The following KCNK13 variants were observed in gnomAD, a reference collection of about 807,000 sequenced individuals.
The protein encoded by KCNK13 is potassium two pore domain channel subfamily K member 13.
Under a neutral mutation model 23.4 loss-of-function variants are expected in KCNK13, and 12 were observed. That is an observed-to-expected ratio of 0.51 (90% confidence interval 0.33 to 0.83). KCNK13 has a LOEUF of 0.83. Among genes scored for constraint, KCNK13 ranks in the 40% least tolerant of loss-of-function variants. The pLI is 0.02. For synonymous variants in KCNK13, 231 were observed against 229.5 expected (o/e 1.01, Z -0.06); for missense variants, 463 against 556.3 (o/e 0.83, Z 1.69).
chr14:90,070,292 AG>A (rs1226515845), intron 1 of KCNK13, among the ~76,000 whole-genome samples: 1 of 152,242 alleles, frequency 6.6e-6, no homozygotes, highest in Non-Finnish European at 1.5e-5. Flanking sequence ...TGTTGTAATT[AG>A]GCAAAAATGA....
At chr14:90,162,715 G>A (rs1890264543) in intron 1 of KCNK13, among the ~76,000 whole-genome samples, 1 of 152,140 alleles carries the variant, frequency 6.6e-6, no homozygotes, top group Non-Finnish European at 1.5e-5. Context: ...CTAGGGTAAG[G>A]AAGGAAAGAC....
chr14:90,075,634 A>G (rs1380704965), intron 1 of KCNK13, among the ~76,000 whole-genome samples: 2 of 152,052 alleles, frequency 1.3e-5, no homozygotes, highest in African/African-American at 2.4e-5. Flanking sequence ...GTGCACCACC[A>G]TGCTCGGCTA....
rs570315922 is a variant in KCNK13 at position 90,148,114 on chromosome 14, G to A, written c.335-35997G>A. On this transcript the variant is annotated intron_variant, in intron 1 of 1. Coordinates refer to ENST00000282146, the MANE Select transcript of KCNK13 (RefSeq NM_022054.4). Reference sequence around the variant, plus strand: ...GGAGGTGCAGGTTGCAATAAGCTGAGAGCACAGCACTGCACTATGGCTTGG... The same window carrying A: ...GGAGGTGCAGGTTGCAATAAGCTGAAAGCACAGCACTGCACTATGGCTTGG... Among the ~76,000 whole-genome samples, 166 of 152,272 alleles carry A rather than the reference G, an allele frequency of 1.1e-3. 1 individual carries two copies. Among genetic ancestry groups the A allele is most frequent in the Non-Finnish European group, 1.9e-3 (130 of 68,036 alleles).
intron 1 of KCNK13, among the ~76,000 whole-genome samples, chr14:90,128,348 A>G (rs1454639279): frequency 6.6e-6 from 1 of 152,212 alleles, no homozygotes; most frequent in African/African-American, 2.4e-5. Flanking sequence ...AAAATTTTTA[A>G]GTAGTAAAAA....
chr14:90,182,382 A>G (rs1173671689), intron 1 of KCNK13, among the ~76,000 whole-genome samples: 1 of 152,182 alleles, frequency 6.6e-6, no homozygotes, highest in African/African-American at 2.4e-5. Flanking sequence ...TCCAGGGTGC[A>G]CTGGGAGGCA....
At chr14:90,178,501 G>T (rs1264095241) in intron 1 of KCNK13, among the ~76,000 whole-genome samples, 1 of 151,554 alleles carries the variant, frequency 6.6e-6, no homozygotes, top group Non-Finnish European at 1.5e-5. Context: ...TGTTGGTCAG[G>T]CTGGTCTTGA....
chr14:90,178,548 C>G (rs938600688), intron 1 of KCNK13, among the ~76,000 whole-genome samples: 1 of 152,030 alleles, frequency 6.6e-6, no homozygotes, highest in Non-Finnish European at 1.5e-5. Flanking sequence ...CCTCAGCCTC[C>G]CAAAGTGCTG....
At chr14:90,152,397 T>G (rs1890143611) in intron 1 of KCNK13, among the ~76,000 whole-genome samples, 1 of 152,002 alleles carries the variant, frequency 6.6e-6, no homozygotes, top group Admixed American at 6.6e-5. Context: ...TAGTTGGGCG[T>G]AGTGGCGCAC....
intron 1 of KCNK13, among the ~76,000 whole-genome samples, chr14:90,080,569 C>T (rs937313764): frequency 3.3e-5 from 5 of 152,146 alleles, no homozygotes; most frequent in African/African-American, 9.7e-5. Context: ...TTGTTACTAT[C>T]TTAGGAGGAT....
At chr14:90,089,228 A>G (rs1189435475) in intron 1 of KCNK13, among the ~76,000 whole-genome samples, 1 of 152,200 alleles carries the variant, frequency 6.6e-6, no homozygotes, top group East Asian at 1.9e-4. Flanking sequence ...GCTTGGACAA[A>G]AATGCTGATA....
At chr14:90,171,942 C>CT (rs1287596472) in intron 1 of KCNK13, among the ~76,000 whole-genome samples, 14 of 152,258 alleles carry the variant, frequency 9.2e-5, no homozygotes, top group African/African-American at 3.4e-4. Context: ...AGAGACAAAA[C>CT]TAAGTTCTGT....
intron 1 of KCNK13, among the ~76,000 whole-genome samples, chr14:90,180,912 G>A (rs1314968215): frequency 3.3e-5 from 5 of 151,952 alleles, no homozygotes; most frequent in East Asian, 1.9e-4. Context: ...GCTGGAGTGC[G>A]GTGGCGCAAT....
chr14:90,107,133 G>T (rs1596780527), intron 1 of KCNK13, among the ~76,000 whole-genome samples: 3 of 152,108 alleles, frequency 2.0e-5, no homozygotes, highest in Admixed American at 6.5e-5. Flanking sequence ...ACACACCACC[G>T]CTTTACTGTC....
chr14:90,092,066 T>C (rs982567035), intron 1 of KCNK13, among the ~76,000 whole-genome samples: 12 of 151,520 alleles, frequency 7.9e-5, no homozygotes, highest in South Asian at 2.1e-4. Context: ...GGACTACAGG[T>C]GCCCGCCACC....
At chr14:90,115,245 T>C (rs1218066946) in intron 1 of KCNK13, among the ~76,000 whole-genome samples, 1 of 152,052 alleles carries the variant, frequency 6.6e-6, no homozygotes, top group Non-Finnish European at 1.5e-5. Context: ...AGCGACTGAG[T>C]GTGAATCTCT....
chr14:90,123,442 C>T (rs972067334), intron 1 of KCNK13, among the ~76,000 whole-genome samples: 25 of 152,136 alleles, frequency 1.6e-4, no homozygotes, highest in African/African-American at 5.6e-4. Flanking sequence ...GATTAGGGCC[C>T]ACACTAAGGA....
intron 1 of KCNK13, among the ~76,000 whole-genome samples, chr14:90,065,959 C>A (rs1237131985): frequency 6.6e-6 from 1 of 152,090 alleles, no homozygotes; most frequent in Non-Finnish European, 1.5e-5. Flanking sequence ...ATAAACCTTT[C>A]CAGTACCTAA....
chr14:90,165,566 T>C (rs1449772007), intron 1 of KCNK13, among the ~76,000 whole-genome samples: 1 of 152,252 alleles, frequency 6.6e-6, no homozygotes, highest in Non-Finnish European at 1.5e-5. Flanking sequence ...TACATGCCTG[T>C]GTTGGTAACA....
rs73330268 is a variant in KCNK13, at chr14:90,100,053, G to A, written c.334+37514G>A. ...TCAGCTTGCTCCTGCCCTTCCCATC[G>A]CAAGCCAATATTAAATTAATTTGTA... On this transcript the variant is annotated intron_variant, in intron 1 of 1. Transcript: ENST00000282146. 4.5e-3 allele frequency among the ~76,000 whole-genome samples: 687 copies of A among 152,216 alleles called. 5 individuals carry two copies. The highest frequency in any genetic ancestry group is 0.016 in the African/African-American group (647 of 41,528).
Sources: gnomAD v4.1 joint callset for allele counts (sites outside exome capture counted in the v4.1 genomes callset) on GRCh38, gnomAD v4.1.1 for gene constraint, MANE v1.5 for transcripts, NCBI Gene and HGNC (gene_info 2026-07-23, HGNC 2026-07-21) for gene names.